The following PGLYRP4 variants were observed in gnomAD, a reference collection of about 807,000 sequenced individuals.
The protein encoded by PGLYRP4 is peptidoglycan recognition protein 4.
Under a neutral mutation model 41.2 loss-of-function variants are expected in PGLYRP4, and 39 were observed. That is an observed-to-expected ratio of 0.95 (90% CI 0.73 to 1.24). The LOEUF is 1.24. PGLYRP4 is among the 50% of genes most tolerant of loss of function. PGLYRP4 has a pLI of 0.00. For synonymous variants in PGLYRP4, 202 were observed against 186.8 expected (o/e 1.08, Z -0.66); for missense variants, 467 against 460.7 (o/e 1.01, Z -0.13).
Position 153,340,553 on chromosome 1 carries a change from C to G in PGLYRP4, c.652G>C (p.Val218Leu), listed in dbSNP as rs780494022. The change falls in exon 7 of 9, where the codon GTG becomes CTG. Residue 218 changes from valine to leucine, a missense_variant. Transcript: ENST00000359650. The part of the protein sequence containing the change: ...KACPGVVPRS[V>L]WGARETHCPR... The stretch of plus-strand genomic sequence containing the variant: ...CAGTGGGTCTCCCTGGCTCCCCACA[C>G]AGACCGTGGGACAACGCCGGGGCAA... 5.6e-6 allele frequency: 9 copies of G among 1,613,954 alleles called. No homozygotes were observed. The South Asian group carries it at 6.6e-5, about 12-fold the overall frequency.
chr1:153,339,953 T>G (rs751531705), intron 7 of PGLYRP4, among the ~76,000 whole-genome samples: 6 of 152,128 alleles, frequency 3.9e-5, no homozygotes, highest in Non-Finnish European at 5.9e-5. Flanking sequence ...GCAGCACGGG[T>G]CTACCATGAG....
chr1:153,337,100 A>G (rs780859968), intron 8 of PGLYRP4, 81 bp downstream of exon 8: 76 of 1,046,004 alleles, frequency 7.3e-5, no homozygotes, highest in Non-Finnish European at 1.1e-4. Context: ...ATGACGCTTG[A>G]GACTGAGACT....
chr1:153,341,921 G>A (rs867484573), intron 5 of PGLYRP4, 142 bp from the exon 6 acceptor site: 13 of 712,074 alleles, frequency 1.8e-5, no homozygotes, highest in African/African-American at 1.4e-4. Context: ...CAGTTGGAGA[G>A]GCTGAGAATT....
chr1:153,331,842 T>C (rs1660350247), intron 8 of PGLYRP4: 1 of 152,272 alleles, frequency 6.6e-6, no homozygotes, highest in Non-Finnish European at 1.5e-5. Flanking sequence ...TAAAGGGCAA[T>C]ACACACTATC....
chr1:153,331,409 T>G (rs1253375142), intron 8 of PGLYRP4, among the ~76,000 whole-genome samples: 1 of 152,178 alleles, frequency 6.6e-6, no homozygotes, highest in Non-Finnish European at 1.5e-5. Context: ...AGAAACTTGA[T>G]TTAATCACAA....
Position 153,330,622 on chromosome 1 carries a change from G to C in PGLYRP4, c.*145C>G. 1.6e-6 allele frequency: 1 copy of C among 622,830 alleles called. No homozygotes were observed. Among genetic ancestry groups the C allele is most frequent in the Non-Finnish European group, 2.9e-6 (1 of 349,050 alleles). 38.6% of individuals were successfully genotyped at this position (622,830 alleles called of 1,614,324 possible). ...CCTTGGAGGATGTTGGCAGGAGAGG[G>C]CATGATCATCCCAACCTGAAAAAGG... On this transcript the variant is annotated 3_prime_UTR_variant, in exon 9 of 9. Coordinates refer to ENST00000359650, the MANE Select transcript of PGLYRP4 (RefSeq NM_020393.4).
rs199768934 is a variant in PGLYRP4, at chr1:153,345,421, C to A, written c.140-39G>T. On this transcript the variant is annotated intron_variant, in intron 3 of 8. Transcript: ENST00000359650. ...CTCAGCGCACCTGCCCCATCACTAC[C>A]GCATTAGCCCGCCAAGCTGAACATG... The A allele has an allele frequency of 7.7e-6, 12 of 1,551,442 alleles. No homozygotes were observed. The African/African-American group carries it at 1.1e-4, about 14-fold the overall frequency.
intron 5 of PGLYRP4, among the ~76,000 whole-genome samples, chr1:153,342,785 G>T (rs1660852964): frequency 6.6e-6 from 1 of 152,212 alleles, no homozygotes; most frequent in African/African-American, 2.4e-5. Context: ...ACATAGAGGA[G>T]AGAGCTGAAG....
rs1356341790 is a variant in PGLYRP4 at position 153,347,593 on chromosome 1, C to A, written c.49+291G>T. ...TTCACCATGTTGGCCAGGATGGTCT[C>A]GATCTCTTAACCTCGTGATCTGCCC... On this transcript the variant is annotated intron_variant, in intron 2 of 8. Coordinates refer to ENST00000359650, the MANE Select transcript of PGLYRP4 (RefSeq NM_020393.4). Among the ~76,000 whole-genome samples, 3 of 152,142 alleles carry A rather than the reference C, an allele frequency of 2.0e-5. No homozygotes were observed. In the East Asian group the frequency reaches 5.8e-4, roughly 29 times the overall value.
chr1:153,343,347 C>T (rs561071566), intron 4 of PGLYRP4, 139 bp from the exon 5 acceptor site: 1 of 628,792 alleles, frequency 1.6e-6, no homozygotes, highest in Non-Finnish European at 2.9e-6. Flanking sequence ...TCTTCCCAGA[C>T]ATTGAAAAGA....
intron 2 of PGLYRP4, among the ~76,000 whole-genome samples, chr1:153,347,666 C>T (rs183438734): frequency 6.6e-6 from 1 of 152,166 alleles, no homozygotes; most frequent in South Asian, 2.1e-4. Flanking sequence ...GCCACCACCC[C>T]TGGCCAAGAG....
chr1:153,332,748 A>G (rs1225322221), intron 8 of PGLYRP4, among the ~76,000 whole-genome samples: 2 of 152,174 alleles, frequency 1.3e-5, no homozygotes, highest in Admixed American at 6.5e-5. Flanking sequence ...CTATACAAAT[A>G]CATGGAAATT....
At position 153,341,688 on chromosome 1, in the gene PGLYRP4, C is replaced by T. The variant is rs1314395265; in HGVS notation, c.564G>A (p.Gln188=). The change falls in exon 6 of 9, where the codon CAG becomes CAA. Residue 188 remains glutamine, a synonymous_variant. Coordinates refer to ENST00000359650, the MANE Select transcript of PGLYRP4 (RefSeq NM_020393.4). ...QKGHLSSSYV[Q]PLLGKGENCL... ...AGTTCTCGCCTTTCCCAAGAAGTGG[C>T]TGAACATAACTGGATGACAGGTGGC... is the stretch of plus-strand genomic sequence containing the variant. The T allele has an allele frequency of 8.7e-6, 14 of 1,613,888 alleles. No individual in the cohort carries two copies. The highest frequency in any genetic ancestry group is 1.1e-5 in the Non-Finnish European group (13 of 1,179,962).
intron 7 of PGLYRP4, among the ~76,000 whole-genome samples, chr1:153,338,450 G>A (rs1018362866): frequency 6.6e-6 from 1 of 152,138 alleles, no homozygotes; most frequent in East Asian, 1.9e-4. Flanking sequence ...CATTCCTAAA[G>A]GGTAGCCAGA....
chr1:153,341,557 C>T lies in PGLYRP4; in HGVS notation c.625+70G>A, dbSNP rs543191209. 3.1e-5 allele frequency: 44 copies of T among 1,400,458 alleles called. No individual in the cohort carries two copies. The Middle Eastern group carries it at 3.1e-3, about 99-fold the overall frequency. The allele number at this position is 1,400,458 out of a possible 1,614,324, so 86.8% of individuals were successfully genotyped here. ...ATGGGCCCTACTGAAAAGGTCACTC[C>T]CAATGGTATTTGCGAGTTAGTTGGG... On this transcript the variant is annotated intron_variant, in intron 6 of 8. Coordinates refer to ENST00000359650, the MANE Select transcript of PGLYRP4 (RefSeq NM_020393.4).
chr1:153,344,119 T>TC (rs1165090988), intron 4 of PGLYRP4, among the ~76,000 whole-genome samples: 1 of 152,120 alleles, frequency 6.6e-6, no homozygotes, highest in African/African-American at 2.4e-5. Context: ...TGATAAACTC[T>TC]CCCACCCTGA....
chr1:153,330,810 G>T lies in PGLYRP4; in HGVS notation c.1079C>A (p.Ala360Asp). The T allele has an allele frequency of 6.2e-7, 1 of 1,614,072 alleles. No homozygotes were observed. The highest frequency in any genetic ancestry group is 2.2e-5 in the East Asian group (1 of 44,866). Reference sequence around the variant, plus strand: ...CCAGGTGCTGATGATGTTGTACAAAGCCTGCCCAGGAGACAAGGTTCGGGC... The same window carrying T: ...CCAGGTGCTGATGATGTTGTACAAATCCTGCCCAGGAGACAAGGTTCGGGC... ...DVARTLSPGQ[A>D]LYNIISTWPH... Residue 360 changes from alanine (A) to aspartate (D), a missense_variant, in exon 9 of 9, where the codon GCT (alanine) becomes GAT (aspartate). By Grantham distance (126) the Ala-to-Asp change is moderately radical. Transcript: ENST00000359650.
intron 4 of PGLYRP4, among the ~76,000 whole-genome samples, chr1:153,344,704 T>C (rs1272603086): frequency 6.6e-6 from 1 of 152,122 alleles, no homozygotes; most frequent in Non-Finnish European, 1.5e-5. Flanking sequence ...CTGGAGCCCA[T>C]GTGTGTGGTG....
Position 153,341,695 on chromosome 1 carries a change from T to C in PGLYRP4, c.557A>G (p.Tyr186Cys). The change falls in exon 6 of 9, where the codon TAT (tyrosine) becomes TGT (cysteine). Residue 186 changes from tyrosine (Y) to cysteine (C), a missense_variant. Physicochemically the swap from Tyr to Cys is radical, Grantham distance 194. Coordinates refer to ENST00000359650, the MANE Select transcript of PGLYRP4 (RefSeq NM_020393.4). ...AVQKGHLSSSYVQPLLGKGEN... is the reference protein window; with the variant it reads ...AVQKGHLSSSCVQPLLGKGEN... ...GCCTTTCCCAAGAAGTGGCTGAACA[T>C]AACTGGATGACAGGTGGCCCTTCTG... The C allele has an allele frequency of 1.2e-6, 2 of 1,613,660 alleles. No individual in the cohort carries two copies. The highest frequency in any genetic ancestry group is 1.1e-5 in the South Asian group (1 of 91,078).
Sources: gnomAD v4.1 joint callset for allele counts (sites outside exome capture counted in the v4.1 genomes callset) on GRCh38, gnomAD v4.1.1 for gene constraint, MANE v1.5 for transcripts, NCBI Gene and HGNC (gene_info 2026-07-23, HGNC 2026-07-21) for gene names.